Variants in CNTNAP5 observed in about 807,000 individuals in gnomAD.
The protein encoded by CNTNAP5 is contactin-associated protein-like 5.
Under a neutral mutation model 150.2 loss-of-function variants are expected in CNTNAP5, and 72 were observed. The observed-to-expected ratio is 0.48, with a 90% confidence interval of 0.40 to 0.58. CNTNAP5 has a LOEUF of 0.58. CNTNAP5 is among the 20% of genes least tolerant of loss of function. The pLI is 0.00. For synonymous variants in CNTNAP5, 672 were observed against 619.8 expected, an observed-to-expected ratio of 1.08 and a Z score of -1.25; for missense variants, 1,636 against 1,626.2, an observed-to-expected ratio of 1.01 and a Z score of -0.10.
intron 4 of CNTNAP5, among the ~76,000 whole-genome samples, chr2:124,419,988 C>CTTTCTTTTTTT (rs760831784): frequency 2.5e-5 from 2 of 78,890 alleles, no homozygotes; most frequent in Non-Finnish European, 5.0e-5. Context: ...TTCTTTCTTT[C>CTTTCTTTTTTT]TTTTTTTTTT....
At chr2:124,901,531 G>A (rs1027230925) in intron 21 of CNTNAP5, among the ~76,000 whole-genome samples, 1 of 152,174 alleles carries the variant, frequency 6.6e-6, no homozygotes, top group African/African-American at 2.4e-5. Context: ...GCTTCTAGAA[G>A]CTAGAAAAGG....
chr2:124,853,797 C>A (rs1677283895), intron 19 of CNTNAP5, among the ~76,000 whole-genome samples: 2 of 152,144 alleles, frequency 1.3e-5, no homozygotes, highest in African/African-American at 4.8e-5. Flanking sequence ...TCTTGATCCT[C>A]TCCCTCCTCT....
intron 11 of CNTNAP5, among the ~76,000 whole-genome samples, chr2:124,604,792 A>G (rs1168074648): frequency 6.6e-6 from 1 of 152,200 alleles, no homozygotes; most frequent in Non-Finnish European, 1.5e-5. Context: ...CATTTAAGGA[A>G]CAAGTATATC....
In CNTNAP5 at chr2:124,812,959, A is replaced by G. The variant is rs139080487; in HGVS notation, c.3217+14639A>G. 3.4e-3 allele frequency among the ~76,000 whole-genome samples: 513 copies of G among 152,290 alleles called. 3 individuals are homozygous for G. The highest frequency in any genetic ancestry group is 0.02 in the Middle Eastern group (6 of 294). ...ACTTTTCATTGACACATGCCCTTAC[A>G]AGAGCATTGGAGCTTTCTTGGCCAC... On this transcript the variant is annotated intron_variant, in intron 19 of 23. Coordinates refer to ENST00000682447, the MANE Select transcript of CNTNAP5 (RefSeq NM_001367498.1).
At chr2:124,049,224 C>A (rs942812437) in intron 1 of CNTNAP5, among the ~76,000 whole-genome samples, 1 of 152,118 alleles carries the variant, frequency 6.6e-6, no homozygotes, top group Non-Finnish European at 1.5e-5. Context: ...TGAATGTCTG[C>A]GGCAACAAGG....
chr2:124,258,667 A>G (rs1437951268), intron 3 of CNTNAP5, among the ~76,000 whole-genome samples: 1 of 152,294 alleles, frequency 6.6e-6, no homozygotes, highest in East Asian at 1.9e-4. Flanking sequence ...GGACATAGGC[A>G]GTTGTGACTG....
intron 3 of CNTNAP5, among the ~76,000 whole-genome samples, chr2:124,246,064 T>C (rs983872239): frequency 2.0e-5 from 3 of 152,072 alleles, no homozygotes; most frequent in Non-Finnish European, 4.4e-5. Context: ...TGAATGCTTA[T>C]GTTCACCTGG....
intron 6 of CNTNAP5, among the ~76,000 whole-genome samples, chr2:124,460,573 A>T (rs1285517999): frequency 6.6e-6 from 1 of 152,192 alleles, no homozygotes; most frequent in East Asian, 1.9e-4. Context: ...TTTCATTTAT[A>T]TCTATAGCAT....
chr2:124,174,675 G>A (rs1898789), intron 1 of CNTNAP5, among the ~76,000 whole-genome samples: 18,182 of 152,242 alleles, frequency 0.12, 1,322 homozygotes, highest in East Asian at 0.34. Context: ...TCCTGGTGAA[G>A]AGGCTGTGAA....
intron 22 of CNTNAP5, among the ~76,000 whole-genome samples, chr2:124,910,303 T>C (rs1203161343): frequency 6.6e-6 from 1 of 152,106 alleles, no homozygotes; most frequent in African/African-American, 2.4e-5. Flanking sequence ...TTTATACACA[T>C]AAATGTGTAT....
At chr2:124,850,661 T>C (rs1220398953) in intron 19 of CNTNAP5, among the ~76,000 whole-genome samples, 3 of 152,142 alleles carry the variant, frequency 2.0e-5, no homozygotes, top group Admixed American at 2.0e-4. Flanking sequence ...CAGTGAGTAT[T>C]GATAGAGAAG....
intron 19 of CNTNAP5, among the ~76,000 whole-genome samples, chr2:124,858,122 G>A (rs1421665911): frequency 1.3e-5 from 2 of 152,146 alleles, no homozygotes; most frequent in Admixed American, 6.5e-5. Flanking sequence ...AAAACTGGAA[G>A]GATTCCCTTT....
chr2:124,332,995 CA>C (rs1033762329), intron 3 of CNTNAP5, among the ~76,000 whole-genome samples: 1 of 152,074 alleles, frequency 6.6e-6, no homozygotes, highest in Non-Finnish European at 1.5e-5. Flanking sequence ...AGACAGAATA[CA>C]AACCCAAAGA....
intron 3 of CNTNAP5, among the ~76,000 whole-genome samples, chr2:124,306,212 C>A (rs1401311729): frequency 6.6e-6 from 1 of 152,106 alleles, no homozygotes; most frequent in Non-Finnish European, 1.5e-5. Flanking sequence ...CAAATAAGAT[C>A]CCAGCTATGT....
intron 2 of CNTNAP5, among the ~76,000 whole-genome samples, chr2:124,240,321 T>A (rs1244103391): frequency 6.6e-6 from 1 of 152,164 alleles, no homozygotes; most frequent in East Asian, 1.9e-4. Flanking sequence ...TAGATCTTGT[T>A]GTCAGCTGCA....
At chr2:124,469,714 T>C (rs985004732) in intron 6 of CNTNAP5, among the ~76,000 whole-genome samples, 7 of 152,126 alleles carry the variant, frequency 4.6e-5, no homozygotes, top group African/African-American at 1.4e-4. Context: ...CTATTCTTCC[T>C]GATGCTCTCC....
At chr2:124,417,648 A>G in intron 4 of CNTNAP5, 58 bp downstream of exon 4, 1 of 1,481,730 alleles carries the variant, frequency 6.7e-7, no homozygotes, top group Admixed American at 1.9e-5. Context: ...CGCCTACGTA[A>G]CATCAGTTTA....
intron 3 of CNTNAP5, among the ~76,000 whole-genome samples, chr2:124,357,176 G>A (rs1360623313): frequency 6.6e-6 from 1 of 152,052 alleles, no homozygotes; most frequent in African/African-American, 2.4e-5. Flanking sequence ...TTGTAAATTT[G>A]TTTGAGTTCA....
intron 3 of CNTNAP5, among the ~76,000 whole-genome samples, chr2:124,286,970 G>A (rs1688169841): frequency 1.3e-5 from 2 of 152,116 alleles, no homozygotes; most frequent in Admixed American, 6.5e-5. Context: ...TCTGTGCCCT[G>A]AACCCAAGTC....
Sources: gnomAD v4.1 joint callset for allele counts (sites outside exome capture counted in the v4.1 genomes callset) on GRCh38, gnomAD v4.1.1 for gene constraint, MANE v1.5 for transcripts, NCBI Gene and HGNC (gene_info 2026-07-23, HGNC 2026-07-21) for gene names.